CCNH: variants seen among roughly 807,000 people sequenced by gnomAD.
CCNH encodes cyclin H, also known as cyclin-H.
CCNH carries 31 observed loss-of-function variants against 41.9 expected under a neutral mutation model. The ratio of observed to expected loss-of-function variants is 0.74; its 90% CI spans 0.56 to 1.00. The LOEUF (loss-of-function observed/expected upper bound fraction) is 1.00. Ranked by LOEUF, CCNH falls within the 50% of genes least tolerant of loss-of-function variation. CCNH has a pLI of 0.00. For synonymous variants in CCNH, 138 were observed against 136.1 expected (o/e 1.01, Z -0.10); for missense variants, 362 against 388.4 (o/e 0.93, Z 0.57).
At chr5:87,353,327 T>C in intron 9 of CCNH, 1 of 1,011,636 alleles carries the variant, frequency 9.9e-7, no homozygotes, top group Non-Finnish European at 1.5e-6. Flanking sequence ...ACAATTCAAA[T>C]TGGATACAAC....
At chr5:87,358,315 C>T (rs1759806560) in intron 9 of CCNH, among the ~76,000 whole-genome samples, 1 of 152,174 alleles carries the variant, frequency 6.6e-6, no homozygotes, top group Non-Finnish European at 1.5e-5. Flanking sequence ...ATTTTAAGCA[C>T]TGTTTTTTAT....
chr5:87,337,484 A>C (rs1162384214), intron 9 of CCNH, among the ~76,000 whole-genome samples: 1 of 152,072 alleles, frequency 6.6e-6, no homozygotes, highest in African/African-American at 2.4e-5. Flanking sequence ...CATCTACATC[A>C]TGCTTATCTA....
Position 87,395,025 on chromosome 5 carries a change from T to G in CCNH, c.933+19A>C. On this transcript the variant is annotated intron_variant, in intron 8 of 8. Transcript: ENST00000256897. ...TATAACAAAAATAACTTAGAGTTCA[T>G]CTTTGGAGTAAAACATACCTCCTCA... 1 of 1,611,222 alleles carries G rather than the reference T, an allele frequency of 6.2e-7. No individual in the cohort carries two copies. Among genetic ancestry groups the G allele is most frequent in the South Asian group, 1.1e-5 (1 of 91,028 alleles).
At chr5:87,381,430 CTAA>C (rs1351896101), upstream of CCNH, among the ~76,000 whole-genome samples, 5 of 152,150 alleles carry the variant, frequency 3.3e-5, no homozygotes, top group African/African-American at 1.2e-4. Context: ...CAGCAGTTTT[CTAA>C]TAATATAATT....
downstream of CCNH, chr5:87,386,680 T>G: frequency 1.5e-6 from 1 of 681,158 alleles, no homozygotes; most frequent in African/African-American, 1.8e-5. Context: ...TAAGAAGTAT[T>G]GCTACATGTA....
chr5:87,327,529 A>G (rs1457126734), intron 9 of CCNH, among the ~76,000 whole-genome samples: 3 of 152,134 alleles, frequency 2.0e-5, no homozygotes, highest in Non-Finnish European at 4.4e-5. Context: ...ATTGCCATAG[A>G]TTGGAGGTTT....
chr5:87,379,174 G>A (rs886758921), upstream of CCNH, among the ~76,000 whole-genome samples: 15 of 152,118 alleles, frequency 9.9e-5, no homozygotes, highest in African/African-American at 3.6e-4. Context: ...CGAAGGTGTC[G>A]ATTCATACTA....
chr5:87,398,226 C>T (rs1380751120), intron 7 of CCNH, among the ~76,000 whole-genome samples: 4 of 152,198 alleles, frequency 2.6e-5, no homozygotes, highest in Admixed American at 6.5e-5. Flanking sequence ...ATATTCTGCA[C>T]ACTTCCTAAG....
At chr5:87,398,846 G>A (rs1160679957) in intron 7 of CCNH, among the ~76,000 whole-genome samples, 4 of 151,844 alleles carry the variant, frequency 2.6e-5, no homozygotes, top group South Asian at 2.1e-4. Flanking sequence ...GGTGGAGGGC[G>A]CCTGTAGTCC....
downstream of CCNH, chr5:87,394,193 A>AAATT (rs1290637923): frequency 1.8e-5 from 19 of 1,081,480 alleles, no homozygotes; most frequent in African/African-American, 2.6e-4. Flanking sequence ...TTTGCTTAAA[A>AAATT]AATTAGGCAA....
chr5:87,369,281 G>T (rs10057748), intron 9 of CCNH, among the ~76,000 whole-genome samples: 23,804 of 152,082 alleles, frequency 0.16, 1,964 homozygotes, highest in South Asian at 0.25. Context: ...ACTAAAGGAA[G>T]ACAAGAACAT....
chr5:87,386,885 G>A, downstream of CCNH: 1 of 1,612,010 alleles, frequency 6.2e-7, no homozygotes. Flanking sequence ...GTATGATCAT[G>A]TTTTTAGATG....
At chr5:87,319,454 A>G (rs563148123) in intron 9 of CCNH, among the ~76,000 whole-genome samples, 1 of 152,256 alleles carries the variant, frequency 6.6e-6, no homozygotes, top group African/African-American at 2.4e-5. Context: ...GAGGCTCCCA[A>G]ACCTCTTCTC....
At chr5:87,372,577 A>G (rs544521646), downstream of CCNH, among the ~76,000 whole-genome samples, 13 of 152,332 alleles carry the variant, frequency 8.5e-5, no homozygotes, top group African/African-American at 3.1e-4. Flanking sequence ...TTCATTTTGA[A>G]GAACAGCTTT....
chr5:87,351,220 A>G (rs572467845), intron 9 of CCNH, among the ~76,000 whole-genome samples: 1 of 151,868 alleles, frequency 6.6e-6, no homozygotes, highest in East Asian at 1.9e-4. Context: ...AGCAAATTTA[A>G]TTCAGCAGCC....
chr5:87,394,815 G>A, intron 8 of CCNH: 1 of 1,364,384 alleles, frequency 7.3e-7, no homozygotes, highest in Non-Finnish European at 9.4e-7. Flanking sequence ...TATACATATT[G>A]CTTCTGCTTT....
In CCNH at chr5:87,411,279, T is replaced by C. The variant is rs1433055269; in HGVS notation, c.185A>G (p.Lys62Arg). Reference protein sequence around the residue: ...EEMTLCKYYEKRLLEFCSVFK... With the variant: ...EEMTLCKYYERRLLEFCSVFK... ...CACCGAACAGAATTCCAATAACCTTTTCTCATAGTATTTGCAGAGTGTCAT... is the reference window on the plus strand; with the variant it reads ...CACCGAACAGAATTCCAATAACCTTCTCTCATAGTATTTGCAGAGTGTCAT... Residue 62 changes from lysine (K) to arginine (R), a missense_variant, in exon 2 of 9, where the codon AAA becomes AGA. Physicochemically the swap from Lys to Arg is conservative, Grantham distance 26. Coordinates refer to ENST00000256897, the MANE Select transcript of CCNH (RefSeq NM_001239.4). 6.2e-7 allele frequency: 1 copy of C among 1,612,882 alleles called. No individual in the cohort carries two copies. Among genetic ancestry groups the C allele is most frequent in the Non-Finnish European group, 8.5e-7 (1 of 1,179,546 alleles).
chr5:87,342,955 G>A (rs970399965), intron 9 of CCNH, among the ~76,000 whole-genome samples: 4 of 151,958 alleles, frequency 2.6e-5, no homozygotes, highest in African/African-American at 7.3e-5. Flanking sequence ...ACTTTCACTC[G>A]GAAGTCTTTT....
intron 9 of CCNH, chr5:87,349,485 C>T (rs893348345): frequency 8.6e-7 from 1 of 1,163,902 alleles, no homozygotes; most frequent in African/African-American, 1.6e-5. Context: ...ATAAGACCTT[C>T]AATATAATTT....
Sources: allele counts gnomAD v4.1 joint callset (sites outside exome capture counted in the v4.1 genomes callset), GRCh38; gene constraint gnomAD v4.1.1; transcripts MANE v1.5; gene names NCBI Gene and HGNC (gene_info 2026-07-23, HGNC 2026-07-21).